NSDHL: variants seen among roughly 807,000 people sequenced by gnomAD.
NSDHL encodes the protein sterol-4-alpha-carboxylate 3-dehydrogenase, decarboxylating.
NSDHL carries 1 observed loss-of-function variant against 23.0 expected under a neutral mutation model. The observed-to-expected ratio is 0.04, with a 90% confidence interval of 0.02 to 0.21. NSDHL has a LOEUF of 0.21. Ranked by LOEUF, NSDHL falls within the 10% of genes least tolerant of loss-of-function variation. The pLI, the probability that NSDHL is intolerant of heterozygous loss-of-function variation, is 1.00. For synonymous variants in NSDHL, 128 were observed against 121.1 expected (o/e 1.06, Z -0.37); for missense variants, 237 against 300.9 (o/e 0.79, Z 1.57).
intron 3 of NSDHL, 76 bp downstream of exon 3, chrX:152,850,499 C>A: frequency 1.0e-6 from 1 of 1,003,291 alleles, no homozygotes; most frequent in Non-Finnish European, 1.4e-6. Flanking sequence ...TGCTCAGAAG[C>A]CAGCCAATTT....
At chrX:152,866,110 C>T in intron 6 of NSDHL, 149 bp downstream of exon 6, 2 of 656,920 alleles carry the variant, frequency 3.0e-6, no homozygotes, top group Admixed American at 5.2e-5. Flanking sequence ...ATACCTAAGA[C>T]TGGGTAACAA....
chrX:152,868,811 A>T lies in NSDHL; in HGVS notation c.817A>T (p.Ile273Phe). Reference protein sequence around the residue: ...KAFHITNDEPIPFWTFLSRIL... With the variant: ...KAFHITNDEPFPFWTFLSRIL... ...ATTTCACATCACCAATGATGAGCCC[A>T]TCCCTTTCTGGACATTCCTGTCTCG... Residue 273 changes from isoleucine (I) to phenylalanine (F), a missense_variant, in exon 8 of 8, where the codon ATC becomes TTC. This residue lies in a region of NSDHL where 117 missense variants were observed against 99.5 expected (regional missense o/e 1.18). Coordinates refer to ENST00000370274, the MANE Select transcript of NSDHL (RefSeq NM_015922.3). 8.3e-7 allele frequency: 1 copy of T among 1,211,278 alleles called. No homozygotes were observed. The highest frequency in any genetic ancestry group is 1.8e-5 in the South Asian group (1 of 56,993).
chrX:152,862,943 C>T, intron 5 of NSDHL, among the ~76,000 whole-genome samples: 1 of 111,613 alleles, frequency 9.0e-6, no homozygotes, highest in South Asian at 3.8e-4. Flanking sequence ...GGGTGGATCA[C>T]CTGAGGTCAG....
At chrX:152,867,442 C>T (rs1294671620) in intron 6 of NSDHL, 129 bp from the exon 7 acceptor site, 1 of 541,154 alleles carries the variant, frequency 1.8e-6, no homozygotes, top group South Asian at 2.5e-5. Context: ...GTGCCTGGGC[C>T]GGCCTTGCCA....
intron 5 of NSDHL, among the ~76,000 whole-genome samples, chrX:152,864,121 G>T (rs191142380): frequency 0.01 from 1,125 of 111,287 alleles, 15 homozygotes; most frequent in African/African-American, 0.034. Flanking sequence ...CGTGTTGGTC[G>T]GATGGTCTCG....
At chrX:152,836,126 T>A (rs1436418100) in intron 1 of NSDHL, among the ~76,000 whole-genome samples, 1 of 112,493 alleles carries the variant, frequency 8.9e-6, no homozygotes, top group African/African-American at 3.2e-5. Context: ...GTTCATATCC[T>A]TTGCCCACTT....
intron 4 of NSDHL, 55 bp downstream of exon 4, chrX:152,858,971 G>A: frequency 1.9e-6 from 2 of 1,061,135 alleles, no homozygotes; most frequent in East Asian, 3.0e-5. Flanking sequence ...CCCTTTCTAA[G>A]GGTGCAAGGC....
At chrX:152,848,932 A>G (rs782230377) in intron 2 of NSDHL, among the ~76,000 whole-genome samples, 5 of 112,764 alleles carry the variant, frequency 4.4e-5, no homozygotes, top group Non-Finnish European at 7.5e-5. Flanking sequence ...GTATGATTAC[A>G]TGTGTTTAGG....
chrX:152,859,137 C>T lies in NSDHL; in HGVS notation c.414+221C>T, dbSNP rs191289146. On this transcript the variant is annotated intron_variant, in intron 4 of 7. Transcript: ENST00000370274. ...ATATTCTAACTGCACACAAATAGAA[C>T]ATCTGAGGACCTCAAGCCTATTGGC... Among the ~76,000 whole-genome samples, 3 of 112,148 alleles carry T rather than the reference C, an allele frequency of 2.7e-5. No homozygotes were observed. The Admixed American group carries it at 2.8e-4, about 11-fold the overall frequency.
chrX:152,848,888 T>C (rs370378820), intron 2 of NSDHL, among the ~76,000 whole-genome samples: 1 of 112,764 alleles, frequency 8.9e-6, no homozygotes, highest in Non-Finnish European at 1.9e-5. Context: ...TGAGGAAATA[T>C]ACATCTCAGT....
chrX:152,831,097 CAG>C lies in NSDHL; in HGVS notation c.-63_-62del, dbSNP rs1309601121. On this transcript the variant is annotated 5_prime_UTR_variant, in exon 1 of 8. Coordinates refer to ENST00000370274, the MANE Select transcript of NSDHL (RefSeq NM_015922.3). ...AGCCTGCTTGCGAGCTGAGGCCAGA[CAG>C]GGGGGCGCCTACGGACGGGTAAGAG... 2.7e-5 allele frequency: 8 copies of C among 301,123 alleles called. No homozygotes were observed. Among genetic ancestry groups the C allele is most frequent in the African/African-American group, 2.2e-4 (8 of 36,260 alleles). The allele number at this position is 301,123 out of a possible 1,213,427, so 24.8% of individuals were successfully genotyped here. A position where few individuals can be genotyped will look rare whatever the true frequency, so the allele number is the denominator to read the frequency against.
chrX:152,864,415 G>T (rs1933575673), intron 5 of NSDHL, among the ~76,000 whole-genome samples: 1 of 112,321 alleles, frequency 8.9e-6, no homozygotes, highest in African/African-American at 3.2e-5. Flanking sequence ...AGGCAGTTCA[G>T]TCACCATGGA....
intron 7 of NSDHL, among the ~76,000 whole-genome samples, chrX:152,867,978 C>T (rs1556848319): frequency 2.7e-5 from 3 of 110,566 alleles, no homozygotes; most frequent in South Asian, 7.7e-4. Context: ...CAGGAGCCCA[C>T]GTAGATTGGG....
Position 152,846,397 on chromosome X carries a change from G to A in NSDHL, c.73G>A (p.Val25Met). The A allele has an allele frequency of 8.3e-7, 1 of 1,208,104 alleles. No individual in the cohort carries two copies. The highest frequency in any genetic ancestry group is 1.1e-6 in the Non-Finnish European group (1 of 891,824). Residue 25 changes from valine to methionine, a missense_variant, in exon 2 of 8, where the codon GTG (valine) becomes ATG (methionine). This residue lies in a region of NSDHL where 81 missense variants were observed against 103.3 expected (regional missense o/e 0.78). Coordinates refer to ENST00000370274, the MANE Select transcript of NSDHL (RefSeq NM_015922.3). ...TCATTTGACAGAGGACACTCCCAAAGTGAATGCTGACATAGAAAAGGTTAA... is the reference window on the plus strand; with the variant it reads ...TCATTTGACAGAGGACACTCCCAAAATGAATGCTGACATAGAAAAGGTTAA... Reference protein sequence around the residue: ...RTHLTEDTPKVNADIEKVNQN... With the variant: ...RTHLTEDTPKMNADIEKVNQN...
Position 152,869,249 on chromosome X carries a change from C to T in NSDHL, c.*133C>T, listed in dbSNP as rs1184834612. The stretch of plus-strand genomic sequence containing the variant: ...CTCCTTCTGCTAGGCAGAGAGCGCA[C>T]CCTACTCTTTCCGTGACGATGAGGG... On this transcript the variant is annotated 3_prime_UTR_variant, in exon 8 of 8. Coordinates refer to ENST00000370274, the MANE Select transcript of NSDHL (RefSeq NM_015922.3). The T allele has an allele frequency of 1.6e-5, 9 of 559,479 alleles. No homozygotes were observed. In the South Asian group the frequency reaches 1.7e-4, roughly 11 times the overall value. The allele number at this position is 559,479 out of a possible 1,213,427, so 46.1% of individuals were successfully genotyped here.
rs58968853 is a variant in NSDHL at position 152,866,713 on chromosome X, T to G, written c.686+752T>G. Among the ~76,000 whole-genome samples the G allele has an allele frequency of 9.2e-3, 1,030 of 112,151 alleles. 11 individuals are homozygous for G. Among genetic ancestry groups the G allele is most frequent in the African/African-American group, 0.031 (969 of 30,854 alleles). ...CTTGCTTTCTGTGTCCAAATTTCCC[T>G]CTTATAAGGACATCATTCCCTGGAT... On this transcript the variant is annotated intron_variant, in intron 6 of 7. Transcript: ENST00000370274.
chrX:152,850,961 A>T (rs113304106), intron 3 of NSDHL, among the ~76,000 whole-genome samples: 2 of 111,891 alleles, frequency 1.8e-5, no homozygotes, highest in African/African-American at 6.5e-5. Context: ...GCCGCCACTC[A>T]TCTACTTCCC....
At chrX:152,867,474 T>G (rs1933625072) in intron 6 of NSDHL, 97 bp from the exon 7 acceptor site, 1 of 638,786 alleles carries the variant, frequency 1.6e-6, no homozygotes, top group African/African-American at 2.2e-5. Flanking sequence ...AGCCATTCTG[T>G]AGGTCACAGT....
intron 7 of NSDHL, among the ~76,000 whole-genome samples, chrX:152,868,090 C>T (rs1488536239): frequency 2.7e-5 from 3 of 110,275 alleles, no homozygotes; most frequent in African/African-American, 9.9e-5. Context: ...GCCGTTTCCC[C>T]ACTGATAACC....
Sources: allele counts gnomAD v4.1 joint callset (sites outside exome capture counted in the v4.1 genomes callset), GRCh38; gene constraint gnomAD v4.1.1; regional missense constraint gnomAD v4.1.1; transcripts MANE v1.5; gene names NCBI Gene and HGNC (gene_info 2026-07-23, HGNC 2026-07-21).